Variants in PARM1 observed in about 807,000 individuals in gnomAD.
PARM1 encodes WSC4, cell wall integrity and stress response component 4 homolog.
A neutral mutation model predicts 24.6 loss-of-function variants in PARM1; 14 were observed. The observed-to-expected ratio is 0.57, with a 90% CI of 0.38 to 0.89. The LOEUF (loss-of-function observed/expected upper bound fraction) is 0.89. Among genes scored for constraint, PARM1 ranks in the 40% least tolerant of loss-of-function variants. The pLI is 0.00. For missense variants in PARM1, 362 were observed against 380.4 expected (o/e 0.95, Z 0.40); for synonymous variants, 179 against 156.6 (o/e 1.14, Z -1.07).
chr4:74,965,253 A>G (rs1456934492), intron 1 of PARM1: 1 of 152,228 alleles, frequency 6.6e-6, no homozygotes, highest in Non-Finnish European at 1.5e-5. Flanking sequence ...TTTCTTAGTT[A>G]TTAATACTAT....
chr4:75,030,498 C>G (rs910953669), intron 2 of PARM1, among the ~76,000 whole-genome samples: 1 of 152,114 alleles, frequency 6.6e-6, no homozygotes, highest in Non-Finnish European at 1.5e-5. Flanking sequence ...CAAAATGCAA[C>G]CCTGAGGAAT....
At chr4:75,029,244 CAGTGGAGT>C (rs1436089854) in intron 2 of PARM1, among the ~76,000 whole-genome samples, 1 of 152,174 alleles carries the variant, frequency 6.6e-6, no homozygotes, top group Non-Finnish European at 1.5e-5. Flanking sequence ...GGTTGTAGAG[CAGTGGAGT>C]AGTGGCCGAC....
intron 2 of PARM1, 129 bp from the exon 3 acceptor site, chr4:75,033,754 C>A: frequency 1.7e-6 from 1 of 586,700 alleles, no homozygotes; most frequent in Non-Finnish European, 2.9e-6. Context: ...GCAGAATGAT[C>A]TGAAGTAGCT....
rs1380085355 is a variant in PARM1, at chr4:74,933,304, C to A, written c.-24C>A. 1.2e-6 allele frequency: 2 copies of A among 1,606,288 alleles called. No homozygotes were observed. Among genetic ancestry groups the A allele is most frequent in the African/African-American group, 2.7e-5 (2 of 74,526 alleles). Reference sequence around the variant, plus strand: ...CAAACTCCTTGCCGCCCGCCCCGGGCTGGGCACCAAATACCAGGCTACCAT... The same window carrying A: ...CAAACTCCTTGCCGCCCGCCCCGGGATGGGCACCAAATACCAGGCTACCAT... On this transcript the variant is annotated 5_prime_UTR_variant, in exon 1 of 4. It adds an upstream start codon to the 5' untranslated region. Coordinates refer to ENST00000307428, the MANE Select transcript of PARM1 (RefSeq NM_015393.4).
At position 74,933,377 on chromosome 4, in the gene PARM1, G is replaced by T. The variant is rs1293288943; in HGVS notation, c.43+7G>T. On this transcript the variant is annotated splice_region_variant and intron_variant, in intron 1 of 3. Transcript: ENST00000307428. ...CTTTGCATCTTAACTGCAGGTAATT[G>T]GCGCCATCCTCCCGGAAGGGCAGGT... The T allele has an allele frequency of 1.2e-6, 2 of 1,612,256 alleles. No individual in the cohort carries two copies. Among genetic ancestry groups the T allele is most frequent in the South Asian group, 1.1e-5 (1 of 90,804 alleles).
intron 2 of PARM1, among the ~76,000 whole-genome samples, chr4:75,027,266 C>T (rs1451545103): frequency 6.6e-6 from 1 of 152,010 alleles, no homozygotes; most frequent in Non-Finnish European, 1.5e-5. Flanking sequence ...ACCTCAGGGC[C>T]CCTGCCTATT....
At chr4:75,011,621 G>C (rs1269186007) in intron 1 of PARM1, among the ~76,000 whole-genome samples, 2 of 152,162 alleles carry the variant, frequency 1.3e-5, no homozygotes, top group East Asian at 3.9e-4. Flanking sequence ...AAATGAGTAA[G>C]TGCAGGGAAG....
chr4:75,041,744 G>C (rs72660391), intron 3 of PARM1, among the ~76,000 whole-genome samples: 5 of 152,300 alleles, frequency 3.3e-5, no homozygotes, highest in Non-Finnish European at 7.4e-5. Flanking sequence ...TGGTCACCAA[G>C]TAGGGGCAGG....
chr4:75,016,033 G>C (rs930804688), intron 2 of PARM1, among the ~76,000 whole-genome samples: 1 of 152,064 alleles, frequency 6.6e-6, no homozygotes, highest in African/African-American at 2.4e-5. Context: ...ATTAATCCAA[G>C]GATTCACTCA....
rs149423012 is a variant in PARM1 at position 75,023,282 on chromosome 4, T to G, written c.769+10132T>G. ...GCTAAATGGGAGAATTGAGCAAGTT[T>G]ATTTATCACAGGTGTTCCATTTTCC... On this transcript the variant is annotated intron_variant, in intron 2 of 3. Coordinates refer to ENST00000307428, the MANE Select transcript of PARM1 (RefSeq NM_015393.4). 2.3e-3 allele frequency among the ~76,000 whole-genome samples: 344 copies of G among 152,338 alleles called. 1 individual carries two copies. Among genetic ancestry groups the G allele is most frequent in the Middle Eastern group, 6.8e-3 (2 of 294 alleles).
intron 1 of PARM1, among the ~76,000 whole-genome samples, chr4:75,012,186 G>A (rs539677767): frequency 6.6e-6 from 1 of 152,300 alleles, no homozygotes; most frequent in South Asian, 2.1e-4. Context: ...CTAGTCTTGA[G>A]TTGACAGTCC....
intron 1 of PARM1, among the ~76,000 whole-genome samples, chr4:74,950,497 A>G (rs1028798559): frequency 1.3e-5 from 2 of 152,168 alleles, no homozygotes; most frequent in African/African-American, 4.8e-5. Flanking sequence ...ATTAGGGCCC[A>G]TTTTCATCTT....
At chr4:74,966,332 A>G (rs1040636950) in intron 1 of PARM1, among the ~76,000 whole-genome samples, 8 of 152,334 alleles carry the variant, frequency 5.3e-5, no homozygotes, top group Non-Finnish European at 1.2e-4. Flanking sequence ...ATCAGGCTCA[A>G]CTCTAAATAC....
intron 1 of PARM1, among the ~76,000 whole-genome samples, chr4:75,000,005 C>T (rs1722646534): frequency 6.6e-6 from 1 of 152,040 alleles, no homozygotes; most frequent in Non-Finnish European, 1.5e-5. Flanking sequence ...AGCAGCTTGG[C>T]TTTCCTGGGC....
intron 3 of PARM1, among the ~76,000 whole-genome samples, chr4:75,042,431 A>C (rs1723508372): frequency 6.6e-6 from 1 of 152,226 alleles, no homozygotes; most frequent in South Asian, 2.1e-4. Context: ...AAATTAGATG[A>C]AGCAATGTTG....
At chr4:74,994,390 C>T (rs1318186501) in intron 1 of PARM1, among the ~76,000 whole-genome samples, 1 of 152,150 alleles carries the variant, frequency 6.6e-6, no homozygotes, top group East Asian at 1.9e-4. Flanking sequence ...AGGCAATTTC[C>T]CTTCATTAAT....
chr4:75,021,359 T>C (rs1341391088), intron 2 of PARM1, among the ~76,000 whole-genome samples: 3 of 152,188 alleles, frequency 2.0e-5, no homozygotes, highest in African/African-American at 7.2e-5. Context: ...GACTCCCTTC[T>C]TTGGTTTTCC....
chr4:75,029,150 C>T (rs1288734952), intron 2 of PARM1, among the ~76,000 whole-genome samples: 3 of 152,076 alleles, frequency 2.0e-5, no homozygotes, highest in African/African-American at 7.2e-5. Context: ...AATGATGCCA[C>T]AGTTGATTCC....
intron 1 of PARM1, among the ~76,000 whole-genome samples, chr4:74,973,885 TAGAG>T (rs370025200): frequency 6.7e-6 from 1 of 150,322 alleles, no homozygotes; most frequent in Non-Finnish European, 1.5e-5. Context: ...TGTGTGGGTG[TAGAG>T]AGAGAGAGAG....
Sources: gnomAD v4.1 joint callset for allele counts (sites outside exome capture counted in the v4.1 genomes callset) on GRCh38, gnomAD v4.1.1 for gene constraint, MANE v1.5 for transcripts, NCBI Gene and HGNC (gene_info 2026-07-23, HGNC 2026-07-21) for gene names.